MROH2A: variants seen among roughly 807,000 people sequenced by gnomAD.
MROH2A encodes maestro heat like repeat family member 2A.
In MROH2A, 174 loss-of-function variants were observed where a neutral mutation model predicts 200.4. The ratio of observed to expected loss-of-function variants is 0.87; its 90% CI spans 0.77 to 0.98. The LOEUF is 0.98. Among genes scored for constraint, MROH2A ranks in the 50% least tolerant of loss-of-function variants. The probability of loss-of-function intolerance (pLI) is 0.00; values close to 1 mark genes in which losing one functional copy is unlikely to be tolerated. For missense variants in MROH2A, 2,045 were observed against 2,139.6 expected (o/e 0.96, Z 0.87); for synonymous variants, 829 against 840.4 (o/e 0.99, Z 0.23).
At chr2:233,792,749 T>C in intron 5 of MROH2A, 47 bp from the exon 6 acceptor site, 2 of 1,250,492 alleles carry the variant, frequency 1.6e-6, no homozygotes, top group South Asian at 1.3e-5. Flanking sequence ...TTCTCTCTGC[T>C]CACCCCCAGC....
chr2:233,809,121 CG>C lies in MROH2A; in HGVS notation c.2296-4del. The C allele has an allele frequency of 1.3e-6, 2 of 1,545,780 alleles. No homozygotes were observed. The highest frequency in any genetic ancestry group is 1.7e-6 in the Non-Finnish European group (2 of 1,143,050). ...CAGTGGTTCTTTTTCTCTTTGGCCTCGTAGAAGGACCATCCCTGGAGGCGGG... is the reference window on the plus strand; with the variant it reads ...CAGTGGTTCTTTTTCTCTTTGGCCTCTAGAAGGACCATCCCTGGAGGCGGG... On this transcript the variant is annotated splice_region_variant and splice_polypyrimidine_tract_variant and intron_variant, in intron 21 of 41. Transcript: ENST00000389758.
chr2:233,820,158 C>A lies in MROH2A; in HGVS notation c.3512+102C>A, dbSNP rs1340766640. On this transcript the variant is annotated intron_variant, in intron 31 of 41. Coordinates refer to ENST00000389758, the MANE Select transcript of MROH2A (RefSeq NM_001394639.1). This position sits in a 1 kb window ranked among gnomAD's most constrained non-coding sequence, Gnocchi z 4.1. ...AGAAGCCTGGAGCCTTGGGCAGTAC[C>A]CTGCCCCACCCTGAAGGAGGTCGAA... 1.3e-5 allele frequency: 14 copies of A among 1,045,612 alleles called. No individual in the cohort carries two copies. Among genetic ancestry groups the A allele is most frequent in the Non-Finnish European group, 1.8e-5 (14 of 769,970 alleles). The allele number at this position is 1,045,612 out of a possible 1,614,324, so 64.8% of individuals were successfully genotyped here.
chr2:233,823,963 G>A (rs796874876), intron 35 of MROH2A, among the ~76,000 whole-genome samples: 16 of 152,280 alleles, frequency 1.1e-4, no homozygotes, highest in African/African-American at 3.6e-4. Flanking sequence ...GCTGGGGCAG[G>A]CTTCCTGCAG....
intron 26 of MROH2A, 61 bp downstream of exon 26, chr2:233,814,738 G>A: frequency 1.7e-6 from 2 of 1,178,540 alleles, no homozygotes; most frequent in East Asian, 5.2e-5. Context: ...AAGCTGGACT[G>A]AGGGCCAGAC....
At chr2:233,791,441 G>A (rs1701756549) in intron 5 of MROH2A, among the ~76,000 whole-genome samples, 1 of 152,188 alleles carries the variant, frequency 6.6e-6, no homozygotes, top group Admixed American at 6.5e-5. Context: ...AGAGTTGGGA[G>A]CTCAAGTGAA....
intron 3 of MROH2A, among the ~76,000 whole-genome samples, chr2:233,785,350 C>A (rs1292165842): frequency 4.0e-5 from 6 of 151,444 alleles, no homozygotes; most frequent in African/African-American, 1.5e-4. Flanking sequence ...GTAGTCCCAG[C>A]TACTTGGCAG....
intron 24 of MROH2A, 99 bp from the exon 25 acceptor site, chr2:233,813,571 C>T (rs948404197): frequency 1.0e-5 from 7 of 692,760 alleles, no homozygotes; most frequent in African/African-American, 7.2e-5. Context: ...AGGCCTCTTC[C>T]TCTTCTAGGA....
chr2:233,789,558 G>C lies in MROH2A; in HGVS notation c.338G>C (p.Gly113Ala), dbSNP rs1163644452. ...CTCCAGGACATCATCCAGCAGGAGG[G>C]GGAGCTGGAGGAGCAGTGCGTGCAG... ...NILQDIIQQE[G>A]ELEEQCVQRL... is the part of the protein sequence containing the mutation. The change falls in exon 4 of 42, where the codon GGG becomes GCG. Residue 113 changes from glycine (G) to alanine (A), a missense_variant. Transcript: ENST00000389758. The C allele has an allele frequency of 1.3e-6, 2 of 1,491,662 alleles. No homozygotes were observed. The highest frequency in any genetic ancestry group is 1.8e-6 in the Non-Finnish European group (2 of 1,120,024). The allele number at this position is 1,491,662 out of a possible 1,614,324, so 92.4% of individuals were successfully genotyped here. A position where few individuals can be genotyped will look rare whatever the true frequency, so the allele number is the denominator to read the frequency against.
In MROH2A at chr2:233,779,424, C is replaced by T. The variant is rs745563640; in HGVS notation, c.66C>T (p.Asp22=). 2 of 1,549,760 alleles carry T rather than the reference C, an allele frequency of 1.3e-6. No individual in the cohort carries two copies. Among genetic ancestry groups the T allele is most frequent in the African/African-American group, 2.7e-5 (2 of 73,034 alleles). Residue 22 remains aspartate, a synonymous_variant, in exon 2 of 42, where the codon GAC becomes GAT. Transcript: ENST00000389758. ...SSEEVSEERD[D]LGPLELHDSG... Reference sequence around the variant, plus strand: ...AGGAGGTGTCAGAGGAAAGAGACGACCTGGGGCCTCTTGAATTACATGACA... The same window carrying T: ...AGGAGGTGTCAGAGGAAAGAGACGATCTGGGGCCTCTTGAATTACATGACA...
At chr2:233,802,794 A>C (rs1312668957) in intron 15 of MROH2A, among the ~76,000 whole-genome samples, 1 of 151,790 alleles carries the variant, frequency 6.6e-6, no homozygotes, top group Non-Finnish European at 1.5e-5. Context: ...CTTCCCTCCA[A>C]CTCTGGCCCC....
At chr2:233,823,150 C>T in intron 34 of MROH2A, 132 bp downstream of exon 34, 2 of 941,418 alleles carry the variant, frequency 2.1e-6, no homozygotes, top group South Asian at 3.3e-5. Context: ...GCCACGCCAA[C>T]CTGTGACTCT....
chr2:233,832,328 T>A, intron 40 of MROH2A, 49 bp downstream of exon 40: 2 of 1,488,182 alleles, frequency 1.3e-6, no homozygotes, highest in Non-Finnish European at 1.8e-6. Context: ...GAAGGCCCTC[T>A]AGTCCACCCC....
chr2:233,798,708 T>G (rs1252619693), intron 11 of MROH2A, 66 bp from the exon 12 acceptor site: 1 of 1,185,548 alleles, frequency 8.4e-7, no homozygotes, highest in African/African-American at 1.5e-5. Context: ...GGCCCTGATG[T>G]GGGACGAGCC....
intron 5 of MROH2A, among the ~76,000 whole-genome samples, chr2:233,792,060 A>G (rs1233877041): frequency 6.6e-6 from 1 of 151,586 alleles, no homozygotes; most frequent in Non-Finnish European, 1.5e-5. Context: ...CCTTGCTCTC[A>G]CCTGCTGTCT....
At chr2:233,827,943 A>G (rs576176854) in intron 35 of MROH2A, among the ~76,000 whole-genome samples, 1 of 152,252 alleles carries the variant, frequency 6.6e-6, no homozygotes, top group South Asian at 2.1e-4. Context: ...TGCTCAGTAT[A>G]TGTTTAAATG....
intron 2 of MROH2A, 107 bp from the exon 3 acceptor site, chr2:233,779,564 C>T: frequency 7.1e-7 from 1 of 1,404,908 alleles, no homozygotes; most frequent in Admixed American, 2.0e-5. Flanking sequence ...GACATCATAC[C>T]ACACATGAAG....
At chr2:233,804,973 C>A in intron 18 of MROH2A, 31 bp from the exon 19 acceptor site, 1 of 1,384,024 alleles carries the variant, frequency 7.2e-7, no homozygotes, top group Non-Finnish European at 1.0e-6. Context: ...AGGCCTTTGG[C>A]CCTTCTCACC....
chr2:233,819,786 A>C lies in MROH2A; in HGVS notation c.3358-116A>C, dbSNP rs1039122149. On this transcript the variant is annotated intron_variant, in intron 30 of 41. Transcript: ENST00000389758. ...GCACTAGAGAGGGTGCTGGGCGCTT[A>C]ACCTCCCCATTGTCCAACTGGGCCA... The C allele has an allele frequency of 5.0e-6, 6 of 1,201,280 alleles. No homozygotes were observed. In the African/African-American group the frequency reaches 9.3e-5, roughly 19 times the overall value. 74.4% of individuals were successfully genotyped at this position (1,201,280 alleles called of 1,614,324 possible).
intron 25 of MROH2A, 60 bp downstream of exon 25, chr2:233,813,838 G>A (rs1703336334): frequency 1.1e-6 from 1 of 929,424 alleles, no homozygotes; most frequent in Non-Finnish European, 1.7e-6. Context: ...ACATTAACAT[G>A]GGCCATGCTG....
Sources: allele counts gnomAD v4.1 joint callset (sites outside exome capture counted in the v4.1 genomes callset), GRCh38; gene constraint gnomAD v4.1.1; non-coding constraint Gnocchi (gnomAD v3.1); transcripts MANE v1.5; gene names NCBI Gene and HGNC (gene_info 2026-07-23, HGNC 2026-07-21).